Variants in SH3D19 observed in about 807,000 individuals in gnomAD.
The protein encoded by SH3D19 is SH3 domain-containing protein 19.
SH3D19 carries 58 observed loss-of-function variants against 112.1 expected under a neutral mutation model. That is an observed-to-expected ratio of 0.52 (90% CI 0.42 to 0.64). The LOEUF is 0.64. SH3D19 is among the 30% of genes least tolerant of loss of function. The pLI, the probability that SH3D19 is intolerant of heterozygous loss-of-function variation, is 0.00. For synonymous variants in SH3D19, 391 were observed against 448.5 expected, an observed-to-expected ratio of 0.87 and a Z score of 1.62; for missense variants, 1,090 against 1,263.4, an observed-to-expected ratio of 0.86 and a Z score of 2.08.
intron 2 of SH3D19, among the ~76,000 whole-genome samples, chr4:151,188,586 C>A: frequency 6.6e-6 from 1 of 152,128 alleles, no homozygotes; most frequent in Admixed American, 6.5e-5. Flanking sequence ...TTCTGGATTT[C>A]GGATTAGGGA....
At chr4:151,182,498 T>C (rs1761112858) in intron 3 of SH3D19, among the ~76,000 whole-genome samples, 1 of 152,164 alleles carries the variant, frequency 6.6e-6, no homozygotes, top group South Asian at 2.1e-4. Flanking sequence ...GGCAGCAGAG[T>C]GGCACTGCCG....
At chr4:151,153,028 G>A (rs1462133597) in intron 9 of SH3D19, among the ~76,000 whole-genome samples, 1 of 151,466 alleles carries the variant, frequency 6.6e-6, no homozygotes, top group Non-Finnish European at 1.5e-5. Context: ...TAGAGATGGG[G>A]TTTCACCATT....
At chr4:151,278,486 G>C (rs1173439654) in intron 1 of SH3D19, among the ~76,000 whole-genome samples, 1 of 151,756 alleles carries the variant, frequency 6.6e-6, no homozygotes, top group African/African-American at 2.4e-5. Flanking sequence ...TTTAGGAAGT[G>C]ATTTGTGAAA....
chr4:151,205,841 T>C (rs1334072191), intron 2 of SH3D19, among the ~76,000 whole-genome samples: 1 of 152,128 alleles, frequency 6.6e-6, no homozygotes, highest in Non-Finnish European at 1.5e-5. Context: ...GTTTTAGAGA[T>C]GAAAAAAGAG....
intron 1 of SH3D19, among the ~76,000 whole-genome samples, chr4:151,246,612 A>C (rs1046832916): frequency 3.3e-5 from 5 of 152,218 alleles, no homozygotes; most frequent in Non-Finnish European, 2.9e-5. Context: ...TAGCAAATCT[A>C]AATTTTGCCA....
intron 2 of SH3D19, among the ~76,000 whole-genome samples, chr4:151,204,123 G>A (rs1764770493): frequency 6.6e-6 from 1 of 152,046 alleles, no homozygotes; most frequent in Admixed American, 6.6e-5. Flanking sequence ...TTATTTGTAA[G>A]AGGTTTATAG....
chr4:151,170,402 T>C (rs975632630), intron 7 of SH3D19: 8 of 152,222 alleles, frequency 5.3e-5, no homozygotes, highest in African/African-American at 1.7e-4. Flanking sequence ...CTGGTTTCTT[T>C]TGTTGCTTTT....
intron 1 of SH3D19, among the ~76,000 whole-genome samples, chr4:151,317,018 T>C (rs1016133571): frequency 1.3e-5 from 2 of 152,244 alleles, no homozygotes; most frequent in Non-Finnish European, 2.9e-5. Flanking sequence ...TGTCTTCCAC[T>C]GATGAAGGGG....
chr4:151,285,702 A>G (rs780507136), intron 1 of SH3D19, among the ~76,000 whole-genome samples: 1 of 152,056 alleles, frequency 6.6e-6, no homozygotes, highest in Non-Finnish European at 1.5e-5. Context: ...CCTTGTCTCT[A>G]CTAAAAATTT....
intron 3 of SH3D19, among the ~76,000 whole-genome samples, chr4:151,186,159 C>G (rs949593276): frequency 6.6e-6 from 1 of 152,192 alleles, no homozygotes; most frequent in Non-Finnish European, 1.5e-5. Flanking sequence ...TTTTCTAACA[C>G]AGGCAATCCA....
At chr4:151,239,343 T>C (rs929594931) in intron 1 of SH3D19, among the ~76,000 whole-genome samples, 1 of 152,168 alleles carries the variant, frequency 6.6e-6, no homozygotes, top group South Asian at 2.1e-4. Context: ...TCGAATATAC[T>C]GGTATGAGTC....
At chr4:151,157,644 T>C (rs897963698) in intron 9 of SH3D19, among the ~76,000 whole-genome samples, 2 of 152,076 alleles carry the variant, frequency 1.3e-5, no homozygotes, top group African/African-American at 4.8e-5. Context: ...CATCCATGTT[T>C]ACTGCAGCAC....
chr4:151,170,594 A>T (rs1758878442), intron 7 of SH3D19: 1 of 152,208 alleles, frequency 6.6e-6, no homozygotes, highest in Admixed American at 6.5e-5. Flanking sequence ...AACCATTTAG[A>T]TAAATCACTA....
At chr4:151,174,562 T>A in intron 7 of SH3D19, 108 bp downstream of exon 7, 1 of 1,007,412 alleles carries the variant, frequency 9.9e-7, no homozygotes, top group Non-Finnish European at 1.4e-6. Flanking sequence ...CACATACTTG[T>A]ATACACACAC....
chr4:151,124,866 T>C (rs549617720), intron 19 of SH3D19, among the ~76,000 whole-genome samples: 1 of 152,348 alleles, frequency 6.6e-6, no homozygotes, highest in African/African-American at 2.4e-5. Flanking sequence ...ATTTGTAAAA[T>C]GAAATGAAGA....
rs1440851775 is a variant in SH3D19, at chr4:151,195,813, T to A, written c.153-8350A>T. Among the ~76,000 whole-genome samples, 8 of 151,240 alleles carry A rather than the reference T, an allele frequency of 5.3e-5. No individual in the cohort carries two copies. The East Asian group carries it at 1.6e-3, about 29-fold the overall frequency. ...GTCCTCTTGACATGCTCAGATTCCA[T>A]GCCATAAAATACTTTAGATCATACG... On this transcript the variant is annotated intron_variant, in intron 2 of 19. Coordinates refer to ENST00000604030, the MANE Select transcript of SH3D19 (RefSeq NM_001378122.1).
chr4:151,297,958 G>A (rs1274878311), intron 1 of SH3D19, among the ~76,000 whole-genome samples: 2 of 152,120 alleles, frequency 1.3e-5, no homozygotes. Context: ...ACAGAAGGAT[G>A]GAAGCAGAAA....
At chr4:151,307,456 G>A (rs143379519) in intron 1 of SH3D19, among the ~76,000 whole-genome samples, 1 of 152,194 alleles carries the variant, frequency 6.6e-6, no homozygotes, top group Non-Finnish European at 1.5e-5. Context: ...CGCAGCCCTC[G>A]TGAGCCCAAA....
intron 1 of SH3D19, among the ~76,000 whole-genome samples, chr4:151,317,192 G>A (rs969487016): frequency 3.9e-5 from 6 of 152,218 alleles, no homozygotes; most frequent in Non-Finnish European, 7.3e-5. Flanking sequence ...AGTTCACAAG[G>A]AGCCTGGGAG....
Sources: allele counts gnomAD v4.1 joint callset (sites outside exome capture counted in the v4.1 genomes callset), GRCh38; gene constraint gnomAD v4.1.1; transcripts MANE v1.5; gene names NCBI Gene and HGNC (gene_info 2026-07-23, HGNC 2026-07-21).